TMEM184B: variants seen among roughly 807,000 people sequenced by gnomAD.
The protein encoded by TMEM184B is transmembrane protein 184B.
In TMEM184B, 17 loss-of-function variants were observed where a neutral mutation model predicts 41.8. The observed-to-expected ratio is 0.41, with a 90% CI of 0.28 to 0.61. The LOEUF is 0.61. TMEM184B is among the 20% of genes least tolerant of loss of function. The probability of loss-of-function intolerance (pLI) is 0.34; values close to 1 mark genes in which losing one functional copy is unlikely to be tolerated. For missense variants in TMEM184B, 393 were observed against 557.8 expected (o/e 0.70, Z 2.98); for synonymous variants, 240 against 229.5 (o/e 1.05, Z -0.41).
chr22:38,262,307 G>A (rs549920552), intron 1 of TMEM184B, among the ~76,000 whole-genome samples: 26 of 152,354 alleles, frequency 1.7e-4, no homozygotes, highest in African/African-American at 5.8e-4. Context: ...GAACCATTGT[G>A]TGGCTTGATC....
At chr22:38,260,061 C>T (rs1331615109) in intron 1 of TMEM184B, among the ~76,000 whole-genome samples, 1 of 151,816 alleles carries the variant, frequency 6.6e-6, no homozygotes, top group East Asian at 1.9e-4. Flanking sequence ...CAGGCGCGTG[C>T]CACCACGTCC....
chr22:38,265,223 G>A (rs1324417580), intron 1 of TMEM184B, among the ~76,000 whole-genome samples: 1 of 152,096 alleles, frequency 6.6e-6, no homozygotes, highest in Non-Finnish European at 1.5e-5. Context: ...AAGACCTCCT[G>A]CACTTCACCT....
At chr22:38,238,601 G>A (rs981402964) in intron 3 of TMEM184B, among the ~76,000 whole-genome samples, 3 of 152,226 alleles carry the variant, frequency 2.0e-5, no homozygotes, top group African/African-American at 7.2e-5. Context: ...CAGCAAACTG[G>A]CCTCTGGCTC....
intron 3 of TMEM184B, among the ~76,000 whole-genome samples, chr22:38,243,942 G>A (rs1363117991): frequency 6.6e-6 from 1 of 152,170 alleles, no homozygotes; most frequent in Non-Finnish European, 1.5e-5. Context: ...ACCTGGATGG[G>A]TGCTGGGAGT....
In TMEM184B at chr22:38,263,860, G is replaced by A. The variant is rs180947654; in HGVS notation, c.-59+9024C>T. Among the ~76,000 whole-genome samples, 13 of 152,276 alleles carry A rather than the reference G, an allele frequency of 8.5e-5. No individual in the cohort carries two copies. The South Asian group carries it at 1.0e-3, about 12-fold the overall frequency. ...CGCTCTGTCTCCCAGGCTGAAGTGC[G>A]GTGATGCAATCTCAGCTCACTGCAA... On this transcript the variant is annotated intron_variant, in intron 1 of 8. Transcript: ENST00000361906.
At chr22:38,245,200 A>G (rs1036437537) in intron 3 of TMEM184B, among the ~76,000 whole-genome samples, 2 of 152,130 alleles carry the variant, frequency 1.3e-5, no homozygotes, top group African/African-American at 4.8e-5. Flanking sequence ...TCCCTACCCA[A>G]CTGCACCTGG....
chr22:38,241,223 T>A (rs1308868248), intron 3 of TMEM184B, among the ~76,000 whole-genome samples: 5 of 152,222 alleles, frequency 3.3e-5, no homozygotes, highest in African/African-American at 9.6e-5. Flanking sequence ...CAGGGATTCC[T>A]GGATTGGCCT....
At position 38,220,509 on chromosome 22, in the gene TMEM184B, C is replaced by T. The variant is rs939547240; in HGVS notation, c.*960G>A. The stretch of plus-strand genomic sequence containing the variant: ...CTCCCCACTGTGTGGCCACCCCTCC[C>T]GGTCTCCCTGCCGGACTGCCTTCCC... On this transcript the variant is annotated 3_prime_UTR_variant, in exon 9 of 9. Coordinates refer to ENST00000361906, the MANE Select transcript of TMEM184B (RefSeq NM_012264.5). 1.7e-5 allele frequency: 17 copies of T among 985,860 alleles called. No individual in the cohort carries two copies. The highest frequency in any genetic ancestry group is 1.4e-4 in the African/African-American group (8 of 57,234). 61.1% of individuals were successfully genotyped at this position (985,860 alleles called of 1,614,324 possible).
intron 1 of TMEM184B, among the ~76,000 whole-genome samples, chr22:38,268,151 G>C (rs1211979343): frequency 6.6e-6 from 1 of 152,180 alleles, no homozygotes; most frequent in African/African-American, 2.4e-5. Flanking sequence ...GGGAGGCCAA[G>C]GCGGGCAGAT....
intron 1 of TMEM184B, among the ~76,000 whole-genome samples, chr22:38,263,557 C>A (rs963068257): frequency 1.3e-5 from 2 of 152,096 alleles, no homozygotes; most frequent in African/African-American, 2.4e-5. Flanking sequence ...TTGGCCCCTG[C>A]GAATGAACAT....
At position 38,225,683 on chromosome 22, in the gene TMEM184B, TC is replaced by T. The variant is rs939757649; in HGVS notation, c.618-91del. 5.1e-6 allele frequency: 7 copies of T among 1,375,664 alleles called. No homozygotes were observed. The African/African-American group carries it at 1.1e-4, about 21-fold the overall frequency. 85.2% of individuals were successfully genotyped at this position (1,375,664 alleles called of 1,614,324 possible). ...GCACCACACACAGTCCCCATGGCTC[TC>T]AGCCCCACACCTCCAGCAGAGCTCA... On this transcript the variant is annotated intron_variant, in intron 6 of 8. Coordinates refer to ENST00000361906, the MANE Select transcript of TMEM184B (RefSeq NM_012264.5). The surrounding 1 kb of genome is among the most constrained non-coding windows in gnomAD (Gnocchi z 4.4).
intron 3 of TMEM184B, among the ~76,000 whole-genome samples, chr22:38,240,535 G>A (rs1426345566): frequency 1.3e-5 from 2 of 152,064 alleles, no homozygotes; most frequent in African/African-American, 4.8e-5. Flanking sequence ...AAGGGAGATT[G>A]GAAGAAAGTG....
rs768924439 is a variant in TMEM184B at position 38,230,761 on chromosome 22, T to A, written c.450-17A>T. 6 of 1,608,030 alleles carry A rather than the reference T, an allele frequency of 3.7e-6. No homozygotes were observed. The highest frequency in any genetic ancestry group is 5.1e-6 in the Non-Finnish European group (6 of 1,177,192). On this transcript the variant is annotated splice_polypyrimidine_tract_variant and intron_variant, in intron 4 of 8. Coordinates refer to ENST00000361906, the MANE Select transcript of TMEM184B (RefSeq NM_012264.5). ...CAGCTGGACCTGGAAGAGACAAGCA[T>A]AGCAGGCAGTGGCAGTGAGTGAAGA...
At chr22:38,261,022 T>A (rs1174093824) in intron 1 of TMEM184B, among the ~76,000 whole-genome samples, 1 of 152,174 alleles carries the variant, frequency 6.6e-6, no homozygotes, top group Non-Finnish European at 1.5e-5. Flanking sequence ...CCTTCCATCT[T>A]ACCATAACTC....
Position 38,221,105 on chromosome 22 carries a change from C to T in TMEM184B, c.*364G>A, listed in dbSNP as rs926214814. The T allele has an allele frequency of 2.2e-5, 24 of 1,091,024 alleles. No individual in the cohort carries two copies. In the African/African-American group the frequency reaches 2.3e-4, roughly 11 times the overall value. The allele number at this position is 1,091,024 out of a possible 1,614,324, so 67.6% of individuals were successfully genotyped here. A position where few individuals can be genotyped will look rare whatever the true frequency, so the allele number is the denominator to read the frequency against. On this transcript the variant is annotated 3_prime_UTR_variant, in exon 9 of 9. Transcript: ENST00000361906. ...TGCCGACCTCAGCCTGAGAGTCTCGCGGGGAGGAGGGGCTAGAAGGCTGCA... is the reference window on the plus strand; with the variant it reads ...TGCCGACCTCAGCCTGAGAGTCTCGTGGGGAGGAGGGGCTAGAAGGCTGCA...
At chr22:38,267,888 G>C (rs1016859555) in intron 1 of TMEM184B, among the ~76,000 whole-genome samples, 3 of 152,112 alleles carry the variant, frequency 2.0e-5, no homozygotes, top group Admixed American at 2.0e-4. Context: ...GACTAGAAAA[G>C]TCACCAACCA....
chr22:38,243,492 C>T (rs1323285489), intron 3 of TMEM184B, among the ~76,000 whole-genome samples: 1 of 152,188 alleles, frequency 6.6e-6, no homozygotes, highest in African/African-American at 2.4e-5. Flanking sequence ...CCCCTGGGTA[C>T]CCATGCGAGG....
rs2091868012 is a variant in TMEM184B at position 38,239,989 on chromosome 22, C to T, written c.358+5946G>A. Among the ~76,000 whole-genome samples, 1 of 151,788 alleles carries T rather than the reference C, an allele frequency of 6.6e-6. No homozygotes were observed. Among genetic ancestry groups the T allele is most frequent in the Non-Finnish European group, 1.5e-5 (1 of 67,992 alleles). On this transcript the variant is annotated intron_variant, in intron 3 of 8. Coordinates refer to ENST00000361906, the MANE Select transcript of TMEM184B (RefSeq NM_012264.5). This position sits in a 1 kb window ranked among gnomAD's most constrained non-coding sequence, Gnocchi z 4.6. ...GTAGAGATGAGGTCGAGGTCTCGCT[C>T]AGTTGCCCAGGCTGGAGTGCAGTGG...
chr22:38,261,941 T>G (rs1267569079), intron 1 of TMEM184B, among the ~76,000 whole-genome samples: 1 of 152,292 alleles, frequency 6.6e-6, no homozygotes, highest in Non-Finnish European at 1.5e-5. Flanking sequence ...CAACCCACCC[T>G]GGGTGTATAC....
Sources: allele counts gnomAD v4.1 joint callset (sites outside exome capture counted in the v4.1 genomes callset), GRCh38; gene constraint gnomAD v4.1.1; non-coding constraint Gnocchi (gnomAD v3.1); transcripts MANE v1.5; gene names NCBI Gene and HGNC (gene_info 2026-07-23, HGNC 2026-07-21).